The following PIBF1 variants were observed in gnomAD, a reference collection of about 807,000 sequenced individuals.
PIBF1 encodes progesterone immunomodulatory binding factor 1.
Under a neutral mutation model 112.5 loss-of-function variants are expected in PIBF1, and 90 were observed. The observed-to-expected ratio is 0.80, with a 90% confidence interval of 0.67 to 0.95. The LOEUF (loss-of-function observed/expected upper bound fraction) is 0.95. Ranked by LOEUF, PIBF1 falls within the 40% of genes least tolerant of loss-of-function variation. The probability of loss-of-function intolerance (pLI) is 0.00; values close to 1 mark genes in which losing one functional copy is unlikely to be tolerated. For synonymous variants in PIBF1, 301 were observed against 288.6 expected, an observed-to-expected ratio of 1.04 and a Z score of -0.44; for missense variants, 915 against 852.3, an observed-to-expected ratio of 1.07 and a Z score of -0.92.
chr13:72,951,015 A>G (rs2042281433), intron 14 of PIBF1, among the ~76,000 whole-genome samples: 1 of 152,224 alleles, frequency 6.6e-6, no homozygotes, highest in African/African-American at 2.4e-5. Flanking sequence ...AGACCTATAG[A>G]TGCTGCATGA....
intron 16 of PIBF1, among the ~76,000 whole-genome samples, chr13:72,985,644 G>T (rs2043265147): frequency 6.6e-6 from 1 of 152,174 alleles, no homozygotes; most frequent in East Asian, 1.9e-4. Context: ...CACCATATTG[G>T]CAATATCTTG....
intron 5 of PIBF1, among the ~76,000 whole-genome samples, chr13:72,807,216 C>A (rs1172073609): frequency 4.7e-5 from 7 of 149,894 alleles, no homozygotes; most frequent in Non-Finnish European, 8.9e-5. Flanking sequence ...AAATGAAAAA[C>A]AAAAATAGAA....
rs115491419 is a variant in PIBF1, at chr13:72,857,555, T to C, written c.1322+3400T>C. On this transcript the variant is annotated intron_variant, in intron 10 of 17. Transcript: ENST00000326291. ...ATTCATATTAAAATTATACCTATTT[T>C]CAGCTGGACATGGTGGCTCATGCCT... is the stretch of plus-strand genomic sequence containing the variant. Among the ~76,000 whole-genome samples, 1,178 of 152,280 alleles carry C rather than the reference T, an allele frequency of 7.7e-3. 14 individuals carry two copies. Among genetic ancestry groups the C allele is most frequent in the African/African-American group, 0.027 (1,108 of 41,572 alleles).
intron 13 of PIBF1, among the ~76,000 whole-genome samples, chr13:72,920,325 C>T (rs539872255): frequency 7.4e-4 from 112 of 152,294 alleles, no homozygotes; most frequent in African/African-American, 2.4e-3. Context: ...TGAGGAAGTG[C>T]TTCTCAGGTC....
chr13:72,913,896 C>G (rs1394221293), intron 12 of PIBF1, among the ~76,000 whole-genome samples: 1 of 152,122 alleles, frequency 6.6e-6, no homozygotes, highest in Admixed American at 6.6e-5. Context: ...ACTATCTAAA[C>G]CAACTTCAAA....
chr13:72,815,935 C>T (rs2036249816), intron 5 of PIBF1, among the ~76,000 whole-genome samples: 3 of 152,190 alleles, frequency 2.0e-5, no homozygotes, highest in Admixed American at 2.0e-4. Context: ...GATAATTTAG[C>T]AACTTGGTCT....
At chr13:72,959,152 C>T (rs2042537635) in intron 14 of PIBF1, among the ~76,000 whole-genome samples, 1 of 151,894 alleles carries the variant, frequency 6.6e-6, no homozygotes, top group Non-Finnish European at 1.5e-5. Flanking sequence ...TGCGCCACCA[C>T]ACCAGGCTAA....
intron 10 of PIBF1, among the ~76,000 whole-genome samples, chr13:72,885,655 T>C (rs1016863364): frequency 7.2e-5 from 11 of 152,190 alleles, no homozygotes; most frequent in Admixed American, 2.0e-4. Context: ...AGCATTTTAC[T>C]TTTGTTAGCT....
rs35878064 is a variant in PIBF1, at chr13:72,796,649, G to GT, written c.552+1108dup. ...AATGAAGTTACTTTTTTGTTCAGCT[G>GT]TTTTTTTTTTTTTTTTAAAAGGCTC... On this transcript the variant is annotated intron_variant, in intron 4 of 17. Transcript: ENST00000326291. Among the ~76,000 whole-genome samples, 471 of 138,968 alleles carry GT rather than the reference G, an allele frequency of 3.4e-3. 2 individuals are homozygous for GT. Among genetic ancestry groups the GT allele is most frequent in the Non-Finnish European group, 4.6e-3 (291 of 63,182 alleles). 91.2% of individuals were successfully genotyped at this position (138,968 alleles called of 152,430 possible).
At chr13:72,902,861 A>G (rs2040548638) in intron 11 of PIBF1, among the ~76,000 whole-genome samples, 1 of 152,036 alleles carries the variant, frequency 6.6e-6, no homozygotes, top group Non-Finnish European at 1.5e-5. Context: ...TTCAGTAAAA[A>G]TCATCAATAT....
chr13:72,938,549 A>G (rs1205886783), intron 14 of PIBF1, among the ~76,000 whole-genome samples: 1 of 152,136 alleles, frequency 6.6e-6, no homozygotes, highest in Non-Finnish European at 1.5e-5. Context: ...CCTTTTTATG[A>G]CTGAATAATA....
chr13:72,926,903 G>A (rs1048484868), intron 13 of PIBF1, among the ~76,000 whole-genome samples: 1 of 152,144 alleles, frequency 6.6e-6, no homozygotes, highest in African/African-American at 2.4e-5. Context: ...TAGATATTAT[G>A]TATTCTCAGT....
chr13:72,870,828 CAA>C (rs75393247), intron 10 of PIBF1, among the ~76,000 whole-genome samples: 3 of 84,474 alleles, frequency 3.6e-5, no homozygotes, highest in African/African-American at 8.3e-5. Context: ...AAAGAATTTT[CAA>C]AAAAAAAAAA....
At position 72,854,064 on chromosome 13, in the gene PIBF1, C is replaced by G; in HGVS notation, c.1231C>G (p.Arg411Gly). The G allele has an allele frequency of 6.2e-7, 1 of 1,608,102 alleles. No individual in the cohort carries two copies. Among genetic ancestry groups the G allele is most frequent in the Non-Finnish European group, 8.5e-7 (1 of 1,175,168 alleles). Residue 411 changes from arginine (R) to glycine (G), a missense_variant, in exon 10 of 18, where the codon CGA becomes GGA. Coordinates refer to ENST00000326291, the MANE Select transcript of PIBF1 (RefSeq NM_006346.4). ...EMYERENRNL[R>G]EARDNAVAEK... is the part of the protein sequence containing the mutation. Reference sequence around the variant, plus strand: ...TCCATGTTTAAAATTTAGAAATCTCCGAGAAGCAAGGGATAATGCTGTGGC... The same window carrying G: ...TCCATGTTTAAAATTTAGAAATCTCGGAGAAGCAAGGGATAATGCTGTGGC...
At chr13:72,806,145 C>A (rs753714142) in intron 5 of PIBF1, among the ~76,000 whole-genome samples, 1 of 152,142 alleles carries the variant, frequency 6.6e-6, no homozygotes, top group African/African-American at 2.4e-5. Flanking sequence ...TGCAACAGAT[C>A]TCTAGTACTT....
At chr13:72,901,112 A>G (rs1191066411) in intron 11 of PIBF1, 1 of 442,704 alleles carries the variant, frequency 2.3e-6, no homozygotes, top group Admixed American at 2.5e-5. Flanking sequence ...GGAACAGTCA[A>G]CAGAGTAAAC....
chr13:72,956,509 G>A (rs998484576), intron 14 of PIBF1, among the ~76,000 whole-genome samples: 13 of 152,076 alleles, frequency 8.5e-5, no homozygotes, highest in African/African-American at 2.7e-4. Flanking sequence ...GGTCATTAAT[G>A]ACCTCTGAAT....
In PIBF1 at chr13:72,848,881, A is replaced by G. The variant is rs546306744; in HGVS notation, c.1224-5176A>G. 4.0e-5 allele frequency among the ~76,000 whole-genome samples: 6 copies of G among 151,782 alleles called. No homozygotes were observed. In the South Asian group the frequency reaches 1.0e-3, roughly 26 times the overall value. On this transcript the variant is annotated intron_variant, in intron 9 of 17. Transcript: ENST00000326291. ...TCTTTAAGTTTCTCATTTGAATGTTATAATTTAAGTAACCATACCTCTTGG... is the reference window on the plus strand; with the variant it reads ...TCTTTAAGTTTCTCATTTGAATGTTGTAATTTAAGTAACCATACCTCTTGG...
chr13:72,917,307 A>G, intron 13 of PIBF1, 141 bp downstream of exon 13: 1 of 418,364 alleles, frequency 2.4e-6, no homozygotes, highest in Non-Finnish European at 4.3e-6. Flanking sequence ...ACAAAATAAA[A>G]CACTAATAAT....
Sources: allele counts gnomAD v4.1 joint callset (sites outside exome capture counted in the v4.1 genomes callset), GRCh38; gene constraint gnomAD v4.1.1; transcripts MANE v1.5; gene names NCBI Gene and HGNC (gene_info 2026-07-23, HGNC 2026-07-21).